ZNF354A: variants seen among roughly 807,000 people sequenced by gnomAD.
The protein encoded by ZNF354A is epididymis luminal protein 104.
In ZNF354A, 25 loss-of-function variants were observed where a neutral mutation model predicts 53.3. That is an observed-to-expected ratio of 0.47 (90% CI 0.34 to 0.66). The LOEUF (loss-of-function observed/expected upper bound fraction) is 0.66. Among genes scored for constraint, ZNF354A ranks in the 30% least tolerant of loss-of-function variants. The pLI is 0.01. For synonymous variants in ZNF354A, 228 were observed against 249.0 expected (o/e 0.92, Z 0.79); for missense variants, 586 against 716.8 (o/e 0.82, Z 2.08).
intron 4 of ZNF354A, among the ~76,000 whole-genome samples, chr5:178,722,559 T>G (rs1428174684): frequency 6.6e-6 from 1 of 152,212 alleles, no homozygotes; most frequent in Non-Finnish European, 1.5e-5. Context: ...ATCTTCCATG[T>G]CTAACAGTCC....
chr5:178,729,384 C>T (rs1765981125), intron 1 of ZNF354A: 1 of 273,472 alleles, frequency 3.7e-6, no homozygotes, highest in Admixed American at 5.1e-5. Flanking sequence ...CCCACTGCAC[C>T]GCTCAGGAAA....
chr5:178,728,068 C>T (rs1293272889), intron 2 of ZNF354A, among the ~76,000 whole-genome samples: 2 of 152,186 alleles, frequency 1.3e-5, no homozygotes, highest in African/African-American at 2.4e-5. Context: ...TCTCAAACTC[C>T]TAACCTCAGG....
chr5:178,719,748 C>A (rs905280385), intron 4 of ZNF354A, among the ~76,000 whole-genome samples: 5 of 152,122 alleles, frequency 3.3e-5, no homozygotes, highest in Non-Finnish European at 5.9e-5. Flanking sequence ...GAGATCGAGA[C>A]CATCCCGGCT....
At chr5:178,719,000 A>T (rs1765762260) in intron 4 of ZNF354A, among the ~76,000 whole-genome samples, 1 of 152,210 alleles carries the variant, frequency 6.6e-6, no homozygotes, top group African/African-American at 2.4e-5. Context: ...CATCGTGAAT[A>T]TGTCTAAGTT....
In ZNF354A at chr5:178,725,558, C is replaced by T; in HGVS notation, c.161-87G>A. 8 of 1,383,544 alleles carry T rather than the reference C, an allele frequency of 5.8e-6. No homozygotes were observed. In the South Asian group the frequency reaches 8.4e-5, roughly 15 times the overall value. The allele number at this position is 1,383,544 out of a possible 1,614,324, so 85.7% of individuals were successfully genotyped here. A position where few individuals can be genotyped will look rare whatever the true frequency, so the allele number is the denominator to read the frequency against. ...ATCCCAAATTTAAATACAGAACTCACAGGATGGTACAAAGAGCTTCTGTGT... is the reference window on the plus strand; with the variant it reads ...ATCCCAAATTTAAATACAGAACTCATAGGATGGTACAAAGAGCTTCTGTGT... On this transcript the variant is annotated intron_variant, in intron 3 of 4. Transcript: ENST00000335815.
At chr5:178,717,494 A>G (rs4246821) in intron 4 of ZNF354A, among the ~76,000 whole-genome samples, 60,588 of 151,424 alleles carry the variant, frequency 0.4, 13,002 homozygotes, top group Admixed American at 0.5. Flanking sequence ...CCAAGAAGGG[A>G]AAGACCAGGA....
At chr5:178,714,678 A>T (rs1765682827) in intron 4 of ZNF354A, among the ~76,000 whole-genome samples, 1 of 152,206 alleles carries the variant, frequency 6.6e-6, no homozygotes, top group South Asian at 2.1e-4. Flanking sequence ...ATACATTCCT[A>T]ACTGGAACAA....
At chr5:178,721,075 T>C (rs775472740) in intron 4 of ZNF354A, among the ~76,000 whole-genome samples, 1 of 152,224 alleles carries the variant, frequency 6.6e-6, no homozygotes, top group Non-Finnish European at 1.5e-5. Flanking sequence ...CAAAAAGTCA[T>C]AGATTCTACC....
intron 2 of ZNF354A, among the ~76,000 whole-genome samples, chr5:178,727,696 A>T (rs1454729479): frequency 6.6e-6 from 1 of 152,230 alleles, no homozygotes; most frequent in Non-Finnish European, 1.5e-5. Flanking sequence ...GTTAATTTGC[A>T]GTGTATAATC....
chr5:178,718,455 T>C (rs558525205), intron 4 of ZNF354A, among the ~76,000 whole-genome samples: 4 of 152,274 alleles, frequency 2.6e-5, no homozygotes, highest in African/African-American at 9.6e-5. Context: ...TTCAACCCTA[T>C]CTCCCTGGAT....
chr5:178,713,489 C>T lies in ZNF354A; in HGVS notation c.389G>A (p.Gly130Asp), dbSNP rs1199817576. Reference protein sequence around the residue: ...LKLEKPYIYEGRLEKKQDKKG... With the variant: ...LKLEKPYIYEDRLEKKQDKKG... ...TTTATCCTGCTTTTTCTCTAATCTG[C>T]CTTCATATATGTAAGGCTTTTCTAA... The change falls in exon 5 of 5, where the codon GGC becomes GAC. Residue 130 changes from glycine (G) to aspartate (D), a missense_variant. By Grantham distance (94) the Gly-to-Asp change is moderately conservative. Around this residue, in one of 2 missense-constraint regions of ZNF354A, gnomAD observed 573 missense variants for 680.1 expected, o/e 0.84. Coordinates refer to ENST00000335815, the MANE Select transcript of ZNF354A (RefSeq NM_005649.3). 8 of 1,613,672 alleles carry T rather than the reference C, an allele frequency of 5.0e-6. No homozygotes were observed. The highest frequency in any genetic ancestry group is 6.8e-6 in the Non-Finnish European group (8 of 1,179,984).
chr5:178,712,339 CTGG>C lies in ZNF354A; in HGVS notation c.1536_1538del (p.His512del). The C allele has an allele frequency of 6.2e-7, 1 of 1,614,084 alleles. No individual in the cohort carries two copies. The highest frequency in any genetic ancestry group is 8.5e-7 in the Non-Finnish European group (1 of 1,179,992). On this transcript the variant is annotated inframe_deletion, in exon 5 of 5. Coordinates refer to ENST00000335815, the MANE Select transcript of ZNF354A (RefSeq NM_005649.3). ...ATGGTTTCTCTCCAGTATGAATTCTCTGGTGATTACTAAGTGATGAGTTACACC... is the reference window on the plus strand; with the variant it reads ...ATGGTTTCTCTCCAGTATGAATTCTCTGATTACTAAGTGATGAGTTACACC...
rs764343089 is a variant in ZNF354A, at chr5:178,712,389, T to C, written c.1489A>G (p.Asn497Asp). The change falls in exon 5 of 5, where the codon AAC (asparagine) becomes GAC (aspartate). Residue 497 changes from asparagine (N) to aspartate (D), a missense_variant. By Grantham distance (23) the Asn-to-Asp change is conservative. Around this residue, in one of 2 missense-constraint regions of ZNF354A, gnomAD observed 573 missense variants for 680.1 expected, o/e 0.84. Coordinates refer to ENST00000335815, the MANE Select transcript of ZNF354A (RefSeq NM_005649.3). ...MHTGERPYKC[N>D]ECGKTFRCNS... ...CACCTGAATGTTTTCCCACACTCGT[T>C]ACATTTATAGGGTCTTTCTCCAGTA... 6.2e-7 allele frequency: 1 copy of C among 1,613,790 alleles called. No homozygotes were observed.
At chr5:178,723,509 CCTTT>C (rs1765850314) in intron 4 of ZNF354A, among the ~76,000 whole-genome samples, 2 of 152,234 alleles carry the variant, frequency 1.3e-5, no homozygotes, top group Admixed American at 1.3e-4. Context: ...TTCATGAACA[CCTTT>C]CTTTAGGCCT....
chr5:178,721,137 TCTC>T (rs1167333774), intron 4 of ZNF354A, among the ~76,000 whole-genome samples: 3 of 152,252 alleles, frequency 2.0e-5, no homozygotes, highest in Admixed American at 6.5e-5. Context: ...TTTTTATTGA[TCTC>T]CTTTTTTTTC....
chr5:178,717,968 T>A (rs1581744132), intron 4 of ZNF354A, among the ~76,000 whole-genome samples: 1 of 152,070 alleles, frequency 6.6e-6, no homozygotes. Flanking sequence ...GAGGAAACAA[T>A]GGGAGGTGAG....
chr5:178,730,319 A>ACGGGCCCGGGAGGAAACGC (rs1766009074), intron 1 of ZNF354A, among the ~76,000 whole-genome samples: 3 of 152,002 alleles, frequency 2.0e-5, no homozygotes, highest in East Asian at 2.0e-4. Flanking sequence ...AGTGGGCAGG[A>ACGGGCCCGGGAGGAAACGC]CGGGCCCGGG....
chr5:178,712,586 A>G lies in ZNF354A; in HGVS notation c.1292T>C (p.Ile431Thr), dbSNP rs766350013. 2 of 1,614,088 alleles carry G rather than the reference A, an allele frequency of 1.2e-6. No homozygotes were observed. Among genetic ancestry groups the G allele is most frequent in the East Asian group, 2.2e-5 (1 of 44,878 alleles). Residue 431 changes from isoleucine to threonine, a missense_variant, in exon 5 of 5, where the codon ATT becomes ACT. Physicochemically the swap from Ile to Thr is moderately conservative, Grantham distance 89. This residue lies in a region of ZNF354A where 573 missense variants were observed against 680.1 expected (regional missense o/e 0.84). Transcript: ENST00000335815. Reference protein sequence around the residue: ...SISRLNRHRIIHTGEKFYNCN... With the variant: ...SISRLNRHRITHTGEKFYNCN... ...ATTATAAAACTTCTCTCCAGTATGA[A>G]TGATTCGGTGTCTATTAAGTCGTGA...
rs1455444779 is a variant in ZNF354A at position 178,712,261 on chromosome 5, C to A, written c.1617G>T (p.Gln539His). ...TTTCTCCTGTATGAATCCTTCGATG[C>A]TGAATAAGAGCTGAACTTTGGCCAA... is the stretch of plus-strand genomic sequence containing the variant. ...ISFGQSSALI[Q>H]HRRIHTGEKP... Residue 539 changes from glutamine (Q) to histidine (H), a missense_variant, in exon 5 of 5, where the codon CAG becomes CAT. Gln to His is a conservative substitution (Grantham distance 24). This residue lies in a region of ZNF354A where 573 missense variants were observed against 680.1 expected (regional missense o/e 0.84). Coordinates refer to ENST00000335815, the MANE Select transcript of ZNF354A (RefSeq NM_005649.3). The A allele has an allele frequency of 1.9e-6, 3 of 1,613,846 alleles. No individual in the cohort carries two copies. Among genetic ancestry groups the A allele is most frequent in the African/African-American group, 1.3e-5 (1 of 74,878 alleles).
Sources: allele counts gnomAD v4.1 joint callset (sites outside exome capture counted in the v4.1 genomes callset), GRCh38; gene constraint gnomAD v4.1.1; regional missense constraint gnomAD v4.1.1; transcripts MANE v1.5; gene names NCBI Gene and HGNC (gene_info 2026-07-23, HGNC 2026-07-21).